Variants in TRMT44 observed in about 807,000 individuals in gnomAD.
TRMT44 encodes tRNA methyltransferase 44 homolog.
A neutral mutation model predicts 77.3 loss-of-function variants in TRMT44; 78 were observed. That is an observed-to-expected ratio of 1.01 (90% CI 0.84 to 1.22). TRMT44 has a LOEUF of 1.22. Among genes scored for constraint, TRMT44 ranks in the 50% most tolerant of loss-of-function variants. The pLI, the probability that TRMT44 is intolerant of heterozygous loss-of-function variation, is 0.00. For missense variants in TRMT44, 1,090 were observed against 964.4 expected (o/e 1.13, Z -1.73); for synonymous variants, 391 against 383.3 (o/e 1.02, Z -0.23).
At chr4:8,484,524 T>A (rs1253499767) in intron 2 of TRMT44, among the ~76,000 whole-genome samples, 2 of 152,016 alleles carry the variant, frequency 1.3e-5, no homozygotes, top group Admixed American at 6.6e-5. Context: ...CCTAAAACAG[T>A]AAGGTCAAGT....
At chr4:8,454,651 C>G (rs1579051179) in intron 5 of TRMT44, 91 bp from the exon 6 acceptor site, 2 of 1,243,502 alleles carry the variant, frequency 1.6e-6, no homozygotes, top group East Asian at 2.3e-5. Flanking sequence ...CTTCGTCCTG[C>G]TGGCAGTGCC....
intron 6 of TRMT44, among the ~76,000 whole-genome samples, chr4:8,463,539 G>C (rs1486507735): frequency 6.6e-6 from 1 of 152,132 alleles, no homozygotes; most frequent in Non-Finnish European, 1.5e-5. Context: ...AGATTGAAAG[G>C]CCTGTGAGGT....
intron 10 of TRMT44, among the ~76,000 whole-genome samples, chr4:8,474,139 TC>T (rs71649525): frequency 0.11 from 16,114 of 152,080 alleles, 1,121 homozygotes; most frequent in African/African-American, 0.19. Flanking sequence ...GCCTCAGTGA[TC>T]CCCCACCCCC....
chr4:8,477,534 G>A (rs1197307042), downstream of TRMT44: 2 of 152,444 alleles, frequency 1.3e-5, no homozygotes, highest in African/African-American at 2.4e-5. Flanking sequence ...TCCCTGCAGG[G>A]GACACCTGGT....
chr4:8,471,112 C>G lies in TRMT44; in HGVS notation c.1956C>G (p.Asn652Lys). 6.2e-7 allele frequency: 1 copy of G among 1,603,534 alleles called. No individual in the cohort carries two copies. Among genetic ancestry groups the G allele is most frequent in the East Asian group, 2.3e-5 (1 of 44,434 alleles). Residue 652 changes from asparagine to lysine, a missense_variant, in exon 10 of 11, where the codon AAC becomes AAG. By Grantham distance (94) the Asn-to-Lys change is moderately conservative (BLOSUM62 0). Coordinates refer to ENST00000389737, the MANE Select transcript of TRMT44 (RefSeq NM_152544.3). The part of the protein sequence containing the change: ...GESLSLAEVA[N>K]ELDTETLRRL... The stretch of plus-strand genomic sequence containing the variant: ...GCCTATCTCTGGCAGAAGTAGCCAA[C>G]GAGCTGGACACGGAGACCCTGCGGA...
At chr4:8,506,236 G>A in the TRMT44 span, among the ~76,000 whole-genome samples, 15 of 152,344 alleles carry the variant, frequency 9.8e-5, no homozygotes, top group East Asian at 9.6e-4. Flanking sequence ...ACCAGGGCAC[G>A]TGGGTGTCAC....
At chr4:8,447,565 C>G (rs1725138751) in intron 2 of TRMT44, among the ~76,000 whole-genome samples, 1 of 152,172 alleles carries the variant, frequency 6.6e-6, no homozygotes, top group African/African-American at 2.4e-5. Flanking sequence ...TGTGCTCTAC[C>G]TCCTGGCCCT....
rs1010858428 is a variant in TRMT44, at chr4:8,475,923, C to T, written c.2196C>T (p.Ser732=). 6.2e-7 allele frequency: 1 copy of T among 1,614,178 alleles called. No individual in the cohort carries two copies. The highest frequency in any genetic ancestry group is 1.7e-5 in the Admixed American group (1 of 60,028). Residue 732 remains serine (S), a synonymous_variant, in exon 11 of 11, where the codon TCC becomes TCT. Transcript: ENST00000389737. ...ATCACCCTGATGGCTGCGCTCTGTC[C>T]ACGGACTGCTGCCCGTTTGCCCATG... ...FMHHPDGCAL[S]TDCCPFAHGP...
chr4:8,465,440 A>G lies in TRMT44; in HGVS notation c.1373A>G (p.Tyr458Cys), dbSNP rs773774398. 6.2e-7 allele frequency: 1 copy of G among 1,613,910 alleles called. No homozygotes were observed. Among genetic ancestry groups the G allele is most frequent in the South Asian group, 1.1e-5 (1 of 91,050 alleles). Residue 458 changes from tyrosine (Y) to cysteine (C), a missense_variant, in exon 8 of 11, where the codon TAC becomes TGC. By Grantham distance (194) the Tyr-to-Cys change is radical. Coordinates refer to ENST00000389737, the MANE Select transcript of TRMT44 (RefSeq NM_152544.3). Reference protein sequence around the residue: ...PCCFFDFIGRYSRRQSKKTQY... With the variant: ...PCCFFDFIGRCSRRQSKKTQY... The stretch of plus-strand genomic sequence containing the variant: ...TGCTTCTTTGACTTCATTGGAAGAT[A>G]CTCCCGGAGGCAGAGTAAGAAGACT...
At chr4:8,454,692 A>C in intron 5 of TRMT44, 50 bp from the exon 6 acceptor site, 1 of 1,566,758 alleles carries the variant, frequency 6.4e-7, no homozygotes, top group Non-Finnish European at 8.8e-7. Flanking sequence ...TTGCTAACTT[A>C]TTATGAAGTA....
chr4:8,467,391 A>C (rs1339791101), intron 8 of TRMT44, among the ~76,000 whole-genome samples: 1 of 152,180 alleles, frequency 6.6e-6, no homozygotes, highest in Non-Finnish European at 1.5e-5. Flanking sequence ...CCAAGATCTA[A>C]CAATGATGAG....
At chr4:8,487,905 C>G (rs937475184) in intron 2 of TRMT44, among the ~76,000 whole-genome samples, 2 of 152,112 alleles carry the variant, frequency 1.3e-5, no homozygotes, top group South Asian at 2.1e-4. Context: ...TGATTAAACA[C>G]CAAGGGAAGG....
rs533050698 is a variant in TRMT44 at position 8,440,966 on chromosome 4, C to G, written c.144C>G (p.Ser48Arg). ...LCGARLEARW[S>R]AALPCAEARG... Reference sequence around the variant, plus strand: ...GCGCCCGCCTGGAGGCCCGCTGGAGCGCCGCCCTGCCCTGCGCGGAGGCCC... The same window carrying G: ...GCGCCCGCCTGGAGGCCCGCTGGAGGGCCGCCCTGCCCTGCGCGGAGGCCC... Residue 48 changes from serine to arginine, a missense_variant, in exon 1 of 11, where the codon AGC (serine) becomes AGG (arginine). Coordinates refer to ENST00000389737, the MANE Select transcript of TRMT44 (RefSeq NM_152544.3). 3.9e-5 allele frequency: 60 copies of G among 1,528,826 alleles called. No individual in the cohort carries two copies. Among genetic ancestry groups the G allele is most frequent in the Admixed American group, 7.9e-5 (4 of 50,642 alleles). 94.7% of individuals were successfully genotyped at this position (1,528,826 alleles called of 1,614,324 possible).
At chr4:8,510,134 A>G in the TRMT44 span, 1 of 152,638 alleles carries the variant, frequency 6.6e-6, no homozygotes, top group Non-Finnish European at 1.5e-5. Flanking sequence ...AGCAGTGGGA[A>G]TGTCCAGACA....
At chr4:8,487,655 C>G (rs929158402) in intron 2 of TRMT44, among the ~76,000 whole-genome samples, 4 of 152,102 alleles carry the variant, frequency 2.6e-5, no homozygotes, top group Middle Eastern at 3.4e-3. Flanking sequence ...ATTGGGGGTT[C>G]TTGCCCCCTA....
At chr4:8,507,854 C>T in the TRMT44 span, among the ~76,000 whole-genome samples, 12 of 152,282 alleles carry the variant, frequency 7.9e-5, no homozygotes, top group African/African-American at 2.6e-4. Context: ...GCCCAGGCCC[C>T]CTGGGAAGCT....
At chr4:8,504,457 C>T in the TRMT44 span, among the ~76,000 whole-genome samples, 306 of 152,262 alleles carry the variant, frequency 2.0e-3, 3 homozygotes, top group Non-Finnish European at 1.6e-3. The surrounding 1 kb of genome is among the most constrained non-coding windows in gnomAD (Gnocchi z 5.3). Context: ...GCTCCTGCCC[C>T]GCCCCACTCA....
chr4:8,471,325 G>A (rs62287392), intron 10 of TRMT44, 125 bp downstream of exon 10: 19,790 of 636,612 alleles, frequency 0.031, 383 homozygotes, highest in Middle Eastern at 0.044. Context: ...CAAGTTCCGC[G>A]GTGCCCCACC....
intron 6 of TRMT44, among the ~76,000 whole-genome samples, chr4:8,459,346 T>C (rs1278999108): frequency 6.6e-6 from 1 of 152,258 alleles, no homozygotes; most frequent in African/African-American, 2.4e-5. Context: ...GGTAAATGTA[T>C]TTTATGTACA....
Sources: allele counts gnomAD v4.1 joint callset (sites outside exome capture counted in the v4.1 genomes callset), GRCh38; gene constraint gnomAD v4.1.1; non-coding constraint Gnocchi (gnomAD v3.1); transcripts MANE v1.5; gene names NCBI Gene and HGNC (gene_info 2026-07-23, HGNC 2026-07-21).